GLIS3: variants seen among roughly 807,000 people sequenced by gnomAD.
GLIS3 encodes zinc finger protein GLIS3.
GLIS3 carries 53 observed loss-of-function variants against 78.6 expected under a neutral mutation model. The ratio of observed to expected loss-of-function variants is 0.67; its 90% CI spans 0.54 to 0.85. GLIS3 has a LOEUF of 0.85. GLIS3 is among the 40% of genes least tolerant of loss of function. The probability of loss-of-function intolerance (pLI) is 0.00; values close to 1 mark genes in which losing one functional copy is unlikely to be tolerated. For missense variants in GLIS3, 1,703 were observed against 1,231.1 expected (o/e 1.38, Z -5.74); for synonymous variants, 684 against 509.9 (o/e 1.34, Z -4.60).
the GLIS3 span, among the ~76,000 whole-genome samples, chr9:4,399,010 G>A: frequency 6.6e-6 from 1 of 152,088 alleles, no homozygotes; most frequent in Non-Finnish European, 1.5e-5. Context: ...AGATTCCTTT[G>A]TTTTCTGCTC....
chr9:4,208,625 T>G (rs1820089210), intron 2 of GLIS3, among the ~76,000 whole-genome samples: 1 of 152,226 alleles, frequency 6.6e-6, no homozygotes, highest in Admixed American at 6.5e-5. Context: ...CTGTAAAGTG[T>G]GACTGAAATT....
At chr9:4,100,422 G>A (rs1830280915) in intron 4 of GLIS3, among the ~76,000 whole-genome samples, 1 of 152,012 alleles carries the variant, frequency 6.6e-6, no homozygotes, top group Non-Finnish European at 1.5e-5. Context: ...AAAGACACCT[G>A]GATAATCAGG....
intron 4 of GLIS3, among the ~76,000 whole-genome samples, chr9:4,094,634 T>A (rs548919558): frequency 1.7e-4 from 26 of 152,322 alleles, no homozygotes; most frequent in African/African-American, 6.3e-4. Context: ...TATGTGCACA[T>A]ATCAAAATCC....
intron 2 of GLIS3, among the ~76,000 whole-genome samples, chr9:4,220,944 C>G (rs1487406894): frequency 6.6e-6 from 1 of 152,092 alleles, no homozygotes; most frequent in Non-Finnish European, 1.5e-5. Context: ...ATGATCACAG[C>G]ACTGCACTCC....
chr9:4,484,239 A>ATT, the GLIS3 span, among the ~76,000 whole-genome samples: 584 of 127,154 alleles, frequency 4.6e-3, 11 homozygotes, highest in Non-Finnish European at 6.8e-3. Flanking sequence ...TTTTTTTTTT[A>ATT]TTTTTTTTAT....
At chr9:4,161,170 G>C (rs939641143) in intron 2 of GLIS3, among the ~76,000 whole-genome samples, 1 of 151,960 alleles carries the variant, frequency 6.6e-6, no homozygotes, top group Admixed American at 6.6e-5. Flanking sequence ...CTACTCAGGA[G>C]ACAGAGGCAG....
At chr9:4,088,231 T>C (rs1182839775) in intron 4 of GLIS3, among the ~76,000 whole-genome samples, 1 of 152,250 alleles carries the variant, frequency 6.6e-6, no homozygotes, top group Non-Finnish European at 1.5e-5. Context: ...CCTGCCACAC[T>C]TAATTTAATT....
intron 2 of GLIS3, among the ~76,000 whole-genome samples, chr9:4,187,428 A>C (rs574203769): frequency 6.6e-6 from 1 of 152,110 alleles, no homozygotes; most frequent in South Asian, 2.1e-4. Context: ...GTCAGGTAGC[A>C]TGATGCCTCC....
intron 8 of GLIS3, among the ~76,000 whole-genome samples, chr9:3,874,086 A>T (rs1238870312): frequency 6.6e-6 from 1 of 152,214 alleles, no homozygotes; most frequent in Non-Finnish European, 1.5e-5. Flanking sequence ...TAGTTGACTG[A>T]TGGCTGGCAG....
At chr9:4,099,462 CAT>C (rs34958493) in intron 4 of GLIS3, among the ~76,000 whole-genome samples, 57,555 of 151,778 alleles carry the variant, frequency 0.38, 11,647 homozygotes, top group African/African-American at 0.5. Context: ...CCAATGCACA[CAT>C]GTCTTTGTGT....
chr9:4,384,821 C>A, the GLIS3 span, among the ~76,000 whole-genome samples: 1 of 152,108 alleles, frequency 6.6e-6, no homozygotes, highest in African/African-American at 2.4e-5. Flanking sequence ...CCTCCAGCCC[C>A]GTGTACACAT....
At chr9:4,021,209 C>T (rs1409075522) in intron 4 of GLIS3, among the ~76,000 whole-genome samples, 1 of 152,138 alleles carries the variant, frequency 6.6e-6, no homozygotes, top group East Asian at 1.9e-4. Context: ...TATGACACTA[C>T]ATTAGAGATA....
chr9:3,965,554 T>A (rs1817879609), intron 4 of GLIS3, among the ~76,000 whole-genome samples: 1 of 152,318 alleles, frequency 6.6e-6, no homozygotes, highest in South Asian at 2.1e-4. Flanking sequence ...AAATCCTATG[T>A]CTTTATCATC....
chr9:3,920,374 C>A (rs1336770629), intron 6 of GLIS3, among the ~76,000 whole-genome samples: 1 of 152,060 alleles, frequency 6.6e-6, no homozygotes, highest in East Asian at 1.9e-4. Flanking sequence ...AAAAGTGGTA[C>A]TGAGTTTGTG....
upstream of GLIS3, among the ~76,000 whole-genome samples, chr9:4,349,286 T>C (rs1817932414): frequency 6.6e-6 from 1 of 152,262 alleles, no homozygotes; most frequent in Admixed American, 6.5e-5. Context: ...ATTTAAATAT[T>C]TTATGCAACC....
intron 4 of GLIS3, among the ~76,000 whole-genome samples, chr9:4,000,706 A>C (rs1479259082): frequency 1.3e-5 from 2 of 152,152 alleles, no homozygotes; most frequent in Non-Finnish European, 2.9e-5. Context: ...TCAGCCCTCC[A>C]GTTACCTTTG....
chr9:4,270,815 G>T (rs549211735), intron 2 of GLIS3, among the ~76,000 whole-genome samples: 3 of 152,170 alleles, frequency 2.0e-5, no homozygotes, highest in Admixed American at 6.5e-5. Flanking sequence ...ACTGCAGATG[G>T]TAAGACTTCT....
At chr9:3,870,108 T>C (rs1820874114) in intron 8 of GLIS3, among the ~76,000 whole-genome samples, 1 of 152,220 alleles carries the variant, frequency 6.6e-6, no homozygotes, top group Admixed American at 6.5e-5. Context: ...TGCAAAGCCA[T>C]TGAGTTGAAA....
the GLIS3 span, among the ~76,000 whole-genome samples, chr9:4,427,468 C>G: frequency 6.6e-6 from 1 of 152,202 alleles, no homozygotes; most frequent in Admixed American, 6.5e-5. Context: ...GATGTATACA[C>G]ACTCTTATAT....
Sources: gnomAD v4.1 joint callset for allele counts (sites outside exome capture counted in the v4.1 genomes callset) on GRCh38, gnomAD v4.1.1 for gene constraint, MANE v1.5 for transcripts, NCBI Gene and HGNC (gene_info 2026-07-23, HGNC 2026-07-21) for gene names.